CHST13: variants seen among roughly 807,000 people sequenced by gnomAD.
The protein encoded by CHST13 is carbohydrate sulfotransferase 13, also known as C4ST-3.
CHST13 carries 1 observed loss-of-function variant against 7.0 expected under a neutral mutation model. The ratio of observed to expected loss-of-function variants is 0.14; its 90% CI spans 0.05 to 0.68. The LOEUF is 0.68. CHST13 is among the 30% of genes least tolerant of loss of function. The pLI, the probability that CHST13 is intolerant of heterozygous loss-of-function variation, is 0.82. For synonymous variants in CHST13, 257 were observed against 240.9 expected, an observed-to-expected ratio of 1.07 and a Z score of -0.62; for missense variants, 572 against 507.9, an observed-to-expected ratio of 1.13 and a Z score of -1.21.
chr3:126,536,298 G>A lies in CHST13; in HGVS notation c.125G>A (p.Ser42Asn), dbSNP rs767740229. The A allele has an allele frequency of 5.6e-6, 9 of 1,613,910 alleles. No homozygotes were observed. Among genetic ancestry groups the A allele is most frequent in the Non-Finnish European group, 6.8e-6 (8 of 1,179,960 alleles). ...PAFGNRALGS[S>N]WLGGEKRSPL... ...TTTGGAAACAGAGCCCTGGGCTCCA[G>A]CTGGCTTGGTGGGGAGAAGAGAAGC... The change falls in exon 2 of 3, where the codon AGC becomes AAC. Residue 42 changes from serine (S) to asparagine (N), a missense_variant. Coordinates refer to ENST00000319340, the MANE Select transcript of CHST13 (RefSeq NM_152889.3).
chr3:126,529,380 T>C (rs770555549), intron 1 of CHST13: 15 of 1,289,124 alleles, frequency 1.2e-5, no homozygotes, highest in Non-Finnish European at 1.4e-5. Flanking sequence ...TGCCTACGGA[T>C]GCCGCAAGGG....
At chr3:126,530,172 G>T (rs2101592) in intron 1 of CHST13, among the ~76,000 whole-genome samples, 38,103 of 152,220 alleles carry the variant, frequency 0.25, 4,885 homozygotes, top group Admixed American at 0.29. Flanking sequence ...CAGGGCCCAG[G>T]CTCCTCGGGG....
intron 2 of CHST13, among the ~76,000 whole-genome samples, chr3:126,536,896 A>AACACAC (rs10670471): frequency 0.027 from 3,775 of 140,446 alleles, 170 homozygotes; most frequent in African/African-American, 0.091. Flanking sequence ...CACACACACA[A>AACACAC]ACACACACAC....
chr3:126,539,246 G>A (rs948137851), intron 2 of CHST13, among the ~76,000 whole-genome samples: 1 of 152,094 alleles, frequency 6.6e-6, no homozygotes, highest in Non-Finnish European at 1.5e-5. Context: ...ATGTCTGAAC[G>A]TATCTCTAAA....
intron 1 of CHST13, chr3:126,529,292 G>T: frequency 7.8e-7 from 1 of 1,285,292 alleles, no homozygotes; most frequent in South Asian, 1.2e-5. Flanking sequence ...TGCAGCAATC[G>T]CATGGCCTTG....
At chr3:126,531,626 G>A (rs980271021) in intron 1 of CHST13, among the ~76,000 whole-genome samples, 1 of 152,164 alleles carries the variant, frequency 6.6e-6, no homozygotes, top group Non-Finnish European at 1.5e-5. Context: ...TCAGCCACAC[G>A]GAAGCATGAG....
chr3:126,541,924 G>A lies in CHST13; in HGVS notation c.372G>A (p.Leu124=). 1.3e-6 allele frequency: 2 copies of A among 1,596,888 alleles called. No homozygotes were observed. Residue 124 remains leucine, a synonymous_variant, in exon 3 of 3, where the codon CTG becomes CTA. Coordinates refer to ENST00000319340, the MANE Select transcript of CHST13 (RefSeq NM_152889.3). ...CCTGCACCAACTGGAAGCGCGTGCT[G>A]CTGGCGCTGAGCGGCCAAGCCCGCG... is the stretch of plus-strand genomic sequence containing the variant. ...KVACTNWKRV[L]LALSGQARGD...
At chr3:126,540,513 C>T (rs1213136371) in intron 2 of CHST13, among the ~76,000 whole-genome samples, 2 of 152,200 alleles carry the variant, frequency 1.3e-5, no homozygotes, top group Non-Finnish European at 2.9e-5. Context: ...CTGTACTATT[C>T]GCTTGGCATA....
intron 1 of CHST13, among the ~76,000 whole-genome samples, chr3:126,532,024 G>A (rs1286867106): frequency 6.6e-6 from 1 of 152,202 alleles, no homozygotes; most frequent in African/African-American, 2.4e-5. Flanking sequence ...AATGGCTAGT[G>A]ATGTTGCGCA....
chr3:126,537,403 G>C (rs959573174), intron 2 of CHST13, among the ~76,000 whole-genome samples: 3 of 152,228 alleles, frequency 2.0e-5, no homozygotes, highest in Non-Finnish European at 4.4e-5. Context: ...AAGCAAGGAA[G>C]GACAGCATCA....
At chr3:126,530,344 G>A (rs1043407322) in intron 1 of CHST13, among the ~76,000 whole-genome samples, 30 of 152,252 alleles carry the variant, frequency 2.0e-4, no homozygotes, top group Non-Finnish European at 3.4e-4. Flanking sequence ...CTGTGGTCTG[G>A]CCAGGAAATG....
At chr3:126,537,345 G>T (rs955690854) in intron 2 of CHST13, among the ~76,000 whole-genome samples, 1 of 152,228 alleles carries the variant, frequency 6.6e-6, no homozygotes, top group African/African-American at 2.4e-5. Context: ...TGGGCAGCAC[G>T]CAGGCCCTGC....
rs1256854515 is a variant in CHST13, at chr3:126,524,401, A to C, written c.69A>C (p.Leu23=). ...AACLGAALLL[L]CAAPRSLRPA... Reference sequence around the variant, plus strand: ...GTCTGGGCGCCGCGCTCCTGCTCCTATGCGCCGCGCCCCGCTCCCTGCGCC... The same window carrying C: ...GTCTGGGCGCCGCGCTCCTGCTCCTCTGCGCCGCGCCCCGCTCCCTGCGCC... Residue 23 remains leucine, a synonymous_variant, in exon 1 of 3, where the codon CTA becomes CTC. Transcript: ENST00000319340. 49 of 1,191,802 alleles carry C rather than the reference A, an allele frequency of 4.1e-5. No homozygotes were observed. In the African/African-American group the frequency reaches 4.9e-4, roughly 12 times the overall value. 73.8% of individuals were successfully genotyped at this position (1,191,802 alleles called of 1,614,324 possible).
In CHST13 at chr3:126,542,054, T is replaced by G; in HGVS notation, c.502T>G (p.Leu168Val). ...GATCAACCGGCGCCTGCGCGCCTACTTGGCCTTCCTGTTCGTGCGGGAGCC... is the reference window on the plus strand; with the variant it reads ...GATCAACCGGCGCCTGCGCGCCTACGTGGCCTTCCTGTTCGTGCGGGAGCC... ...AEINRRLRAY[L>V]AFLFVREPFE... Residue 168 changes from leucine (L) to valine (V), a missense_variant, in exon 3 of 3, where the codon TTG (leucine) becomes GTG (valine). Physicochemically the swap from Leu to Val is conservative, Grantham distance 32 (BLOSUM62 1). Transcript: ENST00000319340. The G allele has an allele frequency of 1.9e-6, 3 of 1,579,096 alleles. No individual in the cohort carries two copies. In the South Asian group the frequency reaches 3.4e-5, roughly 18 times the overall value.
At position 126,524,359 on chromosome 3, in the gene CHST13, C is replaced by A; in HGVS notation, c.27C>A (p.Arg9=). Reference sequence around the variant, plus strand: ...TGGGGAGGCGCTGCTGCCGGCGGCGCGTGCTGGCGGCCGCCTGTCTGGGCG... The same window carrying A: ...TGGGGAGGCGCTGCTGCCGGCGGCGAGTGCTGGCGGCCGCCTGTCTGGGCG... MGRRCCRR[R]VLAAACLGAA... Residue 9 remains arginine, a synonymous_variant, in exon 1 of 3, where the codon CGC becomes CGA. Coordinates refer to ENST00000319340, the MANE Select transcript of CHST13 (RefSeq NM_152889.3). 1 of 1,235,372 alleles carries A rather than the reference C, an allele frequency of 8.1e-7. No individual in the cohort carries two copies. The highest frequency in any genetic ancestry group is 1.0e-6 in the Non-Finnish European group (1 of 989,760). The allele number at this position is 1,235,372 out of a possible 1,614,324, so 76.5% of individuals were successfully genotyped here. A position where few individuals can be genotyped will look rare whatever the true frequency, so the allele number is the denominator to read the frequency against.
intron 1 of CHST13, among the ~76,000 whole-genome samples, chr3:126,533,866 AT>A (rs535305677): frequency 0.016 from 2,388 of 152,186 alleles, 27 homozygotes; most frequent in African/African-American, 0.023. Context: ...TGTTTGTGGG[AT>A]TTTTTTTTTA....
At chr3:126,540,901 C>T (rs1936943648) in intron 2 of CHST13, among the ~76,000 whole-genome samples, 1 of 152,194 alleles carries the variant, frequency 6.6e-6, no homozygotes, top group South Asian at 2.1e-4. Context: ...CCTGAAGGCT[C>T]TTAATGTAAT....
At position 126,542,553 on chromosome 3, in the gene CHST13, C is replaced by A. The variant is rs1383084821; in HGVS notation, c.1001C>A (p.Ala334Asp). ...KMDFLLFNYS[A>D]PSYLRLL ...GACTTCCTGCTTTTCAACTACTCCG[C>A]CCCCTCCTACCTGCGGCTGCTCTAG... Residue 334 changes from alanine to aspartate, a missense_variant, in exon 3 of 3, where the codon GCC becomes GAC. By Grantham distance (126) the Ala-to-Asp change is moderately radical. Transcript: ENST00000319340. 1 of 1,509,920 alleles carries A rather than the reference C, an allele frequency of 6.6e-7. No individual in the cohort carries two copies. Among genetic ancestry groups the A allele is most frequent in the South Asian group, 1.3e-5 (1 of 75,786 alleles). The allele number at this position is 1,509,920 out of a possible 1,614,324, so 93.5% of individuals were successfully genotyped here.
intron 1 of CHST13, among the ~76,000 whole-genome samples, chr3:126,526,814 C>T (rs759730780): frequency 2.7e-4 from 41 of 152,348 alleles, no homozygotes; most frequent in Non-Finnish European, 4.7e-4. Flanking sequence ...CAGTGCCCAG[C>T]GGCAGCTCCC....
Sources: gnomAD v4.1 joint callset for allele counts (sites outside exome capture counted in the v4.1 genomes callset) on GRCh38, gnomAD v4.1.1 for gene constraint, MANE v1.5 for transcripts, NCBI Gene and HGNC (gene_info 2026-07-23, HGNC 2026-07-21) for gene names.